RSF1: variants seen among roughly 807,000 people sequenced by gnomAD.
The protein encoded by RSF1 is HBV pX-associated protein 8.
A neutral mutation model predicts 145.2 loss-of-function variants in RSF1; 13 were observed. The observed-to-expected ratio is 0.09, with a 90% CI of 0.06 to 0.14. The LOEUF is 0.14. Ranked by LOEUF, RSF1 falls within the 10% of genes least tolerant of loss-of-function variation. The probability of loss-of-function intolerance (pLI) is 1.00; values close to 1 mark genes in which losing one functional copy is unlikely to be tolerated. For missense variants in RSF1, 1,517 were observed against 1,718.2 expected (o/e 0.88, Z 2.07); for synonymous variants, 577 against 592.6 (o/e 0.97, Z 0.38).
At chr11:77,810,568 T>TG (rs1565187958) in intron 1 of RSF1, among the ~76,000 whole-genome samples, 1 of 152,048 alleles carries the variant, frequency 6.6e-6, no homozygotes, top group African/African-American at 2.4e-5. Flanking sequence ...TTTTATTTTT[T>TG]GGGGGGGAGA....
chr11:77,696,917 T>A (rs531272984), intron 7 of RSF1, among the ~76,000 whole-genome samples: 2 of 152,212 alleles, frequency 1.3e-5, no homozygotes, highest in Non-Finnish European at 2.9e-5. Flanking sequence ...ATTTCACTGA[T>A]AATACATTTA....
chr11:77,712,696 A>C (rs758979545), intron 5 of RSF1, among the ~76,000 whole-genome samples: 1 of 152,206 alleles, frequency 6.6e-6, no homozygotes, highest in Non-Finnish European at 1.5e-5. Context: ...TACTTCCCTC[A>C]TTACATCTAC....
chr11:77,756,993 C>T (rs1400035827), intron 2 of RSF1, among the ~76,000 whole-genome samples: 1 of 152,080 alleles, frequency 6.6e-6, no homozygotes, highest in African/African-American at 2.4e-5. Context: ...CTATGAAGTA[C>T]TATGAAAACA....
At position 77,764,690 on chromosome 11, in the gene RSF1, C is replaced by A. The variant is rs75237338; in HGVS notation, c.188-1G>T. 1 of 1,568,060 alleles carries A rather than the reference C, an allele frequency of 6.4e-7. No homozygotes were observed. The highest frequency in any genetic ancestry group is 8.7e-7 in the Non-Finnish European group (1 of 1,150,524). Reference sequence around the variant, plus strand: ...TGGAGCTCCACCAATTCTTTTGGTACTTAAAAGAAAGAAAAAAAATATCAT... The same window carrying A: ...TGGAGCTCCACCAATTCTTTTGGTAATTAAAAGAAAGAAAAAAAATATCAT... On this transcript the variant is annotated splice_acceptor_variant, in intron 1 of 15. Transcript: ENST00000308488. LOFTEE classifies it high-confidence loss of function.
chr11:77,732,815 C>CT (rs1961240711), intron 4 of RSF1, among the ~76,000 whole-genome samples: 1 of 152,164 alleles, frequency 6.6e-6, no homozygotes, highest in Non-Finnish European at 1.5e-5. Flanking sequence ...ATTGCCCAGT[C>CT]TTGGGTATGT....
At chr11:77,725,768 C>A in intron 4 of RSF1, 69 bp from the exon 5 acceptor site, 1 of 1,203,864 alleles carries the variant, frequency 8.3e-7, no homozygotes, top group South Asian at 2.2e-5. Flanking sequence ...CTGAATAATA[C>A]CAATAGAAAT....
rs34717321 is a variant in RSF1, at chr11:77,701,411, T to C, written c.1818A>G (p.Ile606Met). 4,304 of 1,614,110 alleles carry C rather than the reference T, an allele frequency of 2.7e-3. 26 individuals carry two copies. Among genetic ancestry groups the C allele is most frequent in the South Asian group, 0.012 (1,049 of 91,076 alleles). ...LDKDAQRLSP[I>M]PEEVPKSTLE... The stretch of plus-strand genomic sequence containing the variant: ...GAGTACTCTTTGGAACTTCTTCTGG[T>C]ATTGGACTCAATCTTTGTGCGTCCT... Residue 606 changes from isoleucine to methionine, a missense_variant, in exon 6 of 16, where the codon ATA becomes ATG. Ile to Met is a conservative substitution (Grantham distance 10). Transcript: ENST00000308488.
chr11:77,846,656 A>G, the RSF1 span, among the ~76,000 whole-genome samples: 1 of 152,232 alleles, frequency 6.6e-6, no homozygotes, highest in Admixed American at 6.5e-5. Context: ...CGGTGAGCCA[A>G]GATTGCGCCA....
At chr11:77,700,625 G>T (rs1270596352) in intron 6 of RSF1, 96 bp downstream of exon 6, 4 of 811,948 alleles carry the variant, frequency 4.9e-6, no homozygotes, top group Admixed American at 3.1e-5. Context: ...AAGATACTTT[G>T]TCAGTTGTCT....
At chr11:77,720,690 G>A (rs1215826073) in intron 5 of RSF1, among the ~76,000 whole-genome samples, 2 of 152,176 alleles carry the variant, frequency 1.3e-5, no homozygotes, top group Non-Finnish European at 2.9e-5. Context: ...ACTTTCATGG[G>A]AGTTGGGGAG....
chr11:77,732,486 G>T (rs1437060838), intron 4 of RSF1, among the ~76,000 whole-genome samples: 1 of 152,114 alleles, frequency 6.6e-6, no homozygotes, highest in Non-Finnish European at 1.5e-5. Context: ...GATTTAGGAG[G>T]GGCCGGGGCA....
chr11:77,845,419 TTC>T, the RSF1 span, among the ~76,000 whole-genome samples: 1 of 150,664 alleles, frequency 6.6e-6, no homozygotes, highest in Admixed American at 6.7e-5. Context: ...GCTCCAGAAT[TTC>T]TTTTTCTTTT....
intron 1 of RSF1, among the ~76,000 whole-genome samples, chr11:77,787,008 C>G (rs1428437915): frequency 6.6e-6 from 1 of 152,122 alleles, no homozygotes; most frequent in Non-Finnish European, 1.5e-5. Context: ...GGTTAAGAGT[C>G]AAGAAGGCAA....
At chr11:77,763,778 G>T (rs1359481712) in intron 2 of RSF1, 1 of 152,098 alleles carries the variant, frequency 6.6e-6, no homozygotes, top group Non-Finnish European at 1.5e-5. Context: ...TGGTGGGAAG[G>T]TACTCCAGGC....
intron 5 of RSF1, among the ~76,000 whole-genome samples, chr11:77,704,748 C>T (rs1319792226): frequency 1.5e-5 from 2 of 136,320 alleles, no homozygotes; most frequent in East Asian, 4.2e-4. Context: ...TGTGTGTTTG[C>T]CTTGGTTTTT....
the RSF1 span, chr11:77,829,947 C>T: frequency 1.3e-5 from 2 of 152,138 alleles, no homozygotes; most frequent in Admixed American, 1.3e-4. Context: ...TCCTGGGAAA[C>T]ATAGTGAGAC....
intron 1 of RSF1, among the ~76,000 whole-genome samples, chr11:77,810,967 A>G (rs913710431): frequency 6.6e-6 from 1 of 152,052 alleles, no homozygotes; most frequent in Non-Finnish European, 1.5e-5. Context: ...CCCAGGCTGG[A>G]GTGCAGTGGC....
intron 15 of RSF1, among the ~76,000 whole-genome samples, chr11:77,669,822 C>T (rs576744268): frequency 2.0e-5 from 3 of 152,292 alleles, no homozygotes; most frequent in Admixed American, 6.5e-5. Flanking sequence ...GTATGGTAAT[C>T]TTCCAGTAAA....
At position 77,701,742 on chromosome 11, in the gene RSF1, C is replaced by G. The variant is rs769204311; in HGVS notation, c.1487G>C (p.Ser496Thr). The stretch of plus-strand genomic sequence containing the variant: ...TTTCTCAAGCTCACCTGTTTTCATA[C>G]TTGTTATGACAGAATTTAAGGACTC... ...GTESLNSVIT[S>T]MKTGELEKET... is the part of the protein sequence containing the mutation. Residue 496 changes from serine (S) to threonine (T), a missense_variant, in exon 6 of 16, where the codon AGT (serine) becomes ACT (threonine). By Grantham distance (58) the Ser-to-Thr change is moderately conservative (BLOSUM62 1). Around this residue, in one of 12 missense-constraint regions of RSF1, gnomAD observed 579 missense variants for 553.5 expected, o/e 1.05. Transcript: ENST00000308488. 3 of 1,613,676 alleles carry G rather than the reference C, an allele frequency of 1.9e-6. No homozygotes were observed. The Admixed American group carries it at 5.0e-5, about 27-fold the overall frequency.
Sources: allele counts gnomAD v4.1 joint callset (sites outside exome capture counted in the v4.1 genomes callset), GRCh38; gene constraint gnomAD v4.1.1; regional missense constraint gnomAD v4.1.1; transcripts MANE v1.5; gene names NCBI Gene and HGNC (gene_info 2026-07-23, HGNC 2026-07-21).